Variants in KLHL2 observed in about 807,000 individuals in gnomAD.
KLHL2 encodes kelch like family member 2.
A neutral mutation model predicts 75.8 loss-of-function variants in KLHL2; 15 were observed. The observed-to-expected ratio is 0.20, with a 90% CI of 0.13 to 0.30. The LOEUF (loss-of-function observed/expected upper bound fraction) is 0.30, where lower values mean the gene tolerates loss of function less well. Ranked by LOEUF, KLHL2 falls within the 10% of genes least tolerant of loss-of-function variation. The pLI is 1.00. For missense variants in KLHL2, 381 were observed against 741.0 expected, an observed-to-expected ratio of 0.51 and a Z score of 5.64; for synonymous variants, 214 against 251.9, an observed-to-expected ratio of 0.85 and a Z score of 1.42.
intron 4 of KLHL2, among the ~76,000 whole-genome samples, chr4:165,258,083 C>T (rs1741328636): frequency 6.6e-6 from 1 of 152,138 alleles, no homozygotes; most frequent in Admixed American, 6.5e-5. Context: ...GGGCGAGGGC[C>T]TCTTTACATT....
intron 1 of KLHL2, 115 bp from the exon 2 acceptor site, chr4:165,219,819 C>T (rs1737842440): frequency 1.5e-6 from 2 of 1,371,958 alleles, no homozygotes; most frequent in African/African-American, 2.9e-5. Flanking sequence ...ATGAGACTTC[C>T]TCTAAATAAG....
At chr4:165,257,967 C>T (rs951161660) in intron 4 of KLHL2, among the ~76,000 whole-genome samples, 11 of 151,888 alleles carry the variant, frequency 7.2e-5, no homozygotes, top group African/African-American at 2.7e-4. Flanking sequence ...ATGGTGAGAA[C>T]ACCAGGGTTC....
At position 165,207,809 on chromosome 4, in the gene KLHL2, G is replaced by A. The variant is rs1347567304; in HGVS notation, c.-68G>A. On this transcript the variant is annotated 5_prime_UTR_variant, in exon 1 of 15. Coordinates refer to ENST00000226725, the MANE Select transcript of KLHL2 (RefSeq NM_007246.4). The surrounding 1 kb of genome is among the most constrained non-coding windows in gnomAD (Gnocchi z 4.2). ...GGCTCGGCGGGCGGGCAGTGCCGGC[G>A]TCCGCGGCTGGAATGGTGCTGGCTG... The A allele has an allele frequency of 3.6e-6, 5 of 1,373,504 alleles. No individual in the cohort carries two copies. In the African/African-American group the frequency reaches 4.6e-5, roughly 13 times the overall value. 85.1% of individuals were successfully genotyped at this position (1,373,504 alleles called of 1,614,324 possible).
At chr4:165,241,944 G>A (rs1480713451) in intron 4 of KLHL2, among the ~76,000 whole-genome samples, 1 of 152,154 alleles carries the variant, frequency 6.6e-6, no homozygotes, top group Non-Finnish European at 1.5e-5. Context: ...ACAAGCAATA[G>A]GGCTTTAATT....
At chr4:165,231,187 C>T (rs778482729) in intron 3 of KLHL2, among the ~76,000 whole-genome samples, 16 of 152,218 alleles carry the variant, frequency 1.1e-4, no homozygotes, top group Non-Finnish European at 2.1e-4. Context: ...GATGCAATGG[C>T]TCACACCTGT....
chr4:165,313,276 C>T lies in KLHL2; in HGVS notation c.1378C>T (p.Arg460Cys). Residue 460 changes from arginine to cysteine, a missense_variant, in exon 12 of 15, where the codon CGT becomes TGT. By Grantham distance (180) the Arg-to-Cys change is radical. Transcript: ENST00000226725. ...TGTAGGAGGTTATGATGGAGCATCA[C>T]GTCAGTGTCTTAGCACAGTAGAATG... ...YAVGGYDGAS[R>C]QCLSTVECYN... The T allele has an allele frequency of 6.2e-7, 1 of 1,610,108 alleles. No individual in the cohort carries two copies. The highest frequency in any genetic ancestry group is 8.5e-7 in the Non-Finnish European group (1 of 1,178,282).
Position 165,238,468 on chromosome 4 carries a change from C to G in KLHL2, c.260-310C>G, listed in dbSNP as rs192867882. On this transcript the variant is annotated intron_variant, in intron 3 of 14. Coordinates refer to ENST00000226725, the MANE Select transcript of KLHL2 (RefSeq NM_007246.4). ...GGAAATCCATAAAGACAACAAGTGC[C>G]CAAAAGCAGGGACAGCCTCAGCTAC... is the stretch of plus-strand genomic sequence containing the variant. Among the ~76,000 whole-genome samples, 12 of 152,178 alleles carry G rather than the reference C, an allele frequency of 7.9e-5. No individual in the cohort carries two copies. The Middle Eastern group carries it at 0.01, about 129-fold the overall frequency.
intron 11 of KLHL2, among the ~76,000 whole-genome samples, chr4:165,311,992 T>A (rs1746240013): frequency 1.3e-5 from 2 of 152,066 alleles, no homozygotes; most frequent in African/African-American, 4.8e-5. Flanking sequence ...GGGGGATGGT[T>A]TTGGGATGAA....
chr4:165,239,491 T>C (rs1273660450), intron 4 of KLHL2, among the ~76,000 whole-genome samples: 1 of 152,134 alleles, frequency 6.6e-6, no homozygotes, highest in African/African-American at 2.4e-5. Flanking sequence ...TCTCAAACTC[T>C]TGGGCTCAAG....
At chr4:165,258,185 A>G (rs1400232338) in intron 4 of KLHL2, among the ~76,000 whole-genome samples, 2 of 152,208 alleles carry the variant, frequency 1.3e-5, no homozygotes, top group African/African-American at 4.8e-5. Context: ...TGCATACACT[A>G]TATGGAATTT....
intron 4 of KLHL2, among the ~76,000 whole-genome samples, chr4:165,256,046 C>T (rs774204213): frequency 1.3e-5 from 2 of 151,812 alleles, no homozygotes; most frequent in African/African-American, 2.4e-5. Flanking sequence ...CTTGTCTAAG[C>T]GAAACATCTT....
At chr4:165,299,268 C>G (rs905585088) in intron 7 of KLHL2, among the ~76,000 whole-genome samples, 5 of 152,074 alleles carry the variant, frequency 3.3e-5, no homozygotes, top group Admixed American at 6.6e-5. Context: ...TATCATTTTT[C>G]ACTGTGGTTC....
chr4:165,216,346 G>T (rs548550884), intron 1 of KLHL2, among the ~76,000 whole-genome samples: 2 of 152,264 alleles, frequency 1.3e-5, no homozygotes, highest in African/African-American at 2.4e-5. Context: ...CAAACCCTGG[G>T]AAACCTCAAC....
At chr4:165,296,207 T>A (rs1178053004) in intron 6 of KLHL2, among the ~76,000 whole-genome samples, 2 of 152,158 alleles carry the variant, frequency 1.3e-5, no homozygotes, top group African/African-American at 4.8e-5. Context: ...CATGGCATCT[T>A]ATGGGTCTGT....
rs575007950 is a variant in KLHL2 at position 165,264,749 on chromosome 4, T to C, written c.544+1390T>C. ...ATATATATATATATATGTATATATA[T>C]ATATATATATATATATAAAACATTA... On this transcript the variant is annotated intron_variant, in intron 5 of 14. Transcript: ENST00000226725. Among the ~76,000 whole-genome samples, 129 of 73,700 alleles carry C rather than the reference T, an allele frequency of 1.8e-3. 1 individual carries two copies. The highest frequency in any genetic ancestry group is 2.8e-3 in the Non-Finnish European group (107 of 37,666). 48.4% of individuals were successfully genotyped at this position (73,700 alleles called of 152,430 possible). A position where few individuals can be genotyped will look rare whatever the true frequency, so the allele number is the denominator to read the frequency against.
At chr4:165,235,540 A>C (rs1252190842) in intron 3 of KLHL2, among the ~76,000 whole-genome samples, 1 of 152,182 alleles carries the variant, frequency 6.6e-6, no homozygotes, top group South Asian at 2.1e-4. Flanking sequence ...TTTACTTTTT[A>C]TTCATCTAGT....
intron 4 of KLHL2, among the ~76,000 whole-genome samples, chr4:165,262,346 G>A (rs1272747440): frequency 1.3e-5 from 2 of 152,110 alleles, no homozygotes; most frequent in African/African-American, 4.8e-5. Context: ...AGAGACTGTT[G>A]TTGAACTTTA....
intron 5 of KLHL2, among the ~76,000 whole-genome samples, chr4:165,274,015 A>G (rs1223585209): frequency 4.6e-5 from 7 of 152,238 alleles, no homozygotes; most frequent in Admixed American, 2.6e-4. Flanking sequence ...TAGCTTGTGA[A>G]GAACTCCAAG....
At chr4:165,302,938 A>G (rs1159764349) in intron 8 of KLHL2, among the ~76,000 whole-genome samples, 1 of 152,162 alleles carries the variant, frequency 6.6e-6, no homozygotes, top group Non-Finnish European at 1.5e-5. Context: ...CCTTCATAGC[A>G]TAATTAGTAT....
Sources: gnomAD v4.1 joint callset for allele counts (sites outside exome capture counted in the v4.1 genomes callset) on GRCh38, gnomAD v4.1.1 for gene constraint, Gnocchi (gnomAD v3.1) non-coding constraint, MANE v1.5 for transcripts, NCBI Gene and HGNC (gene_info 2026-07-23, HGNC 2026-07-21) for gene names.